The following NGEF variants were observed in gnomAD, a reference collection of about 807,000 sequenced individuals.
The protein encoded by NGEF is ephexin-1.
NGEF carries 31 observed loss-of-function variants against 80.9 expected under a neutral mutation model. The ratio of observed to expected loss-of-function variants is 0.38; its 90% CI spans 0.29 to 0.52. NGEF has a LOEUF of 0.52. Ranked by LOEUF, NGEF falls within the 20% of genes least tolerant of loss-of-function variation. NGEF has a pLI of 0.84. For missense variants in NGEF, 709 were observed against 926.2 expected, an observed-to-expected ratio of 0.77 and a Z score of 3.04; for synonymous variants, 371 against 370.2, an observed-to-expected ratio of 1.00 and a Z score of -0.03.
intron 4 of NGEF, among the ~76,000 whole-genome samples, chr2:232,925,570 C>T (rs1693045115): frequency 6.6e-6 from 1 of 152,172 alleles, no homozygotes; most frequent in South Asian, 2.1e-4. Flanking sequence ...GCCACCAGCC[C>T]AGCAGGTTCA....
rs1460671306 is a variant in NGEF at position 232,995,073 on chromosome 2, T to G, written c.-75+17995A>C. 5.2e-5 allele frequency among the ~76,000 whole-genome samples: 2 copies of G among 38,442 alleles called. 1 individual carries two copies. Among genetic ancestry groups the G allele is most frequent in the African/African-American group, 3.2e-4 (2 of 6,304 alleles). 25.2% of individuals were successfully genotyped at this position (38,442 alleles called of 152,430 possible). A position where few individuals can be genotyped will look rare whatever the true frequency, so the allele number is the denominator to read the frequency against. On this transcript the variant is annotated intron_variant, in intron 1 of 14. Transcript: ENST00000264051. ...CTGTATATATGTACAGTATGTATAC[T>G]GTATATGTGTACAGTATGTATATGT...
intron 3 of NGEF, among the ~76,000 whole-genome samples, chr2:232,958,456 G>A (rs1317599735): frequency 6.6e-6 from 1 of 152,234 alleles, no homozygotes; most frequent in East Asian, 1.9e-4. Flanking sequence ...CTGCCCGGGA[G>A]TCGGCATGCA....
chr2:232,967,133 G>C (rs1694078862), intron 3 of NGEF, among the ~76,000 whole-genome samples: 1 of 152,108 alleles, frequency 6.6e-6, no homozygotes, highest in Non-Finnish European at 1.5e-5. Context: ...GTGATAGTGA[G>C]TTCTCACGAG....
intron 3 of NGEF, among the ~76,000 whole-genome samples, chr2:232,949,560 G>A (rs996178111): frequency 6.9e-6 from 1 of 144,828 alleles, no homozygotes; most frequent in African/African-American, 2.6e-5. Flanking sequence ...TCACTGCAAC[G>A]TCCGCCTCCC....
intron 11 of NGEF, 143 bp from the exon 12 acceptor site, chr2:232,883,609 CCT>C: frequency 2.2e-6 from 2 of 902,928 alleles, no homozygotes; most frequent in Non-Finnish European, 3.2e-6. Flanking sequence ...CACCTGAACG[CCT>C]GTCTCCCGCA....
intron 3 of NGEF, among the ~76,000 whole-genome samples, chr2:232,949,945 GGGATTACA>G (rs1403240125): frequency 6.6e-6 from 1 of 151,852 alleles, no homozygotes; most frequent in African/African-American, 2.4e-5. Flanking sequence ...CCGAGTAGCT[GGGATTACA>G]GGTGCCCACC....
intron 9 of NGEF, among the ~76,000 whole-genome samples, chr2:232,887,610 C>T (rs937544462): frequency 1.3e-5 from 2 of 152,150 alleles, no homozygotes; most frequent in South Asian, 2.1e-4. Context: ...CTGTTTCTGA[C>T]ATGGAAAAAC....
intron 1 of NGEF, among the ~76,000 whole-genome samples, chr2:233,008,811 T>C (rs1254028596): frequency 1.3e-5 from 2 of 152,148 alleles, no homozygotes; most frequent in Non-Finnish European, 2.9e-5. Context: ...TTTTTTTTTT[T>C]TCTTTTTTGA....
rs368283921 is a variant in NGEF, at chr2:233,012,408, CA to C, written c.-75+659del. ...CTTGAGGCCAGCCAGATGCAAAAAT[CA>C]GGAAGGTTCTGAGGGGTAGGGCCTT... On this transcript the variant is annotated intron_variant, in intron 1 of 14. Transcript: ENST00000264051. Among the ~76,000 whole-genome samples the C allele has an allele frequency of 4.5e-4, 69 of 152,306 alleles. No individual in the cohort carries two copies. In the East Asian group the frequency reaches 7.5e-3, roughly 17 times the overall value.
In NGEF at chr2:232,908,858, C is replaced by T. The variant is rs1053182012; in HGVS notation, c.828+11426G>A. On this transcript the variant is annotated intron_variant, in intron 5 of 14. Coordinates refer to ENST00000264051, the MANE Select transcript of NGEF (RefSeq NM_019850.3). ...GGGGTGCTCATGTTTTTCTTATTGA[C>T]AGCTTTCTAATTGACTGAAATCTGG... is the stretch of plus-strand genomic sequence containing the variant. Among the ~76,000 whole-genome samples the T allele has an allele frequency of 2.0e-5, 3 of 151,970 alleles. No homozygotes were observed. In the East Asian group the frequency reaches 5.8e-4, roughly 29 times the overall value.
intron 1 of NGEF, among the ~76,000 whole-genome samples, chr2:233,009,852 A>T (rs1024176109): frequency 6.6e-6 from 1 of 151,980 alleles, no homozygotes; most frequent in African/African-American, 2.4e-5. Flanking sequence ...GGGTCCTGGC[A>T]TCTTGGGTTG....
In NGEF at chr2:232,891,364, C is replaced by T; in HGVS notation, c.1266G>A (p.Leu422=). Residue 422 remains leucine, a synonymous_variant, in exon 8 of 15, where the codon TTG becomes TTA. Transcript: ENST00000264051. ...CAGGTGGAGGAGGCTGTACCTGGACCAACAGCTTGAGGCGTGTGATCCTCT... is the reference window on the plus strand; with the variant it reads ...CAGGTGGAGGAGGCTGTACCTGGACTAACAGCTTGAGGCGTGTGATCCTCT... ...PFQRITRLKL[L]VQNILKRVEE... is the part of the protein sequence containing the mutation. 1 of 1,613,508 alleles carries T rather than the reference C, an allele frequency of 6.2e-7. No individual in the cohort carries two copies. The highest frequency in any genetic ancestry group is 8.5e-7 in the Non-Finnish European group (1 of 1,179,904).
chr2:232,991,794 A>G (rs143097917), intron 1 of NGEF, among the ~76,000 whole-genome samples: 61 of 152,326 alleles, frequency 4.0e-4, no homozygotes, highest in Non-Finnish European at 6.3e-4. Flanking sequence ...CAATCAAAGA[A>G]CAGAGTTGGA....
chr2:232,946,896 T>TA (rs1693571007), intron 3 of NGEF, among the ~76,000 whole-genome samples: 1 of 151,980 alleles, frequency 6.6e-6, no homozygotes, highest in African/African-American at 2.4e-5. Flanking sequence ...CATGAGTCCA[T>TA]AGTCATACTC....
At chr2:233,010,063 T>C (rs936212982) in intron 1 of NGEF, among the ~76,000 whole-genome samples, 5 of 152,148 alleles carry the variant, frequency 3.3e-5, no homozygotes, top group Admixed American at 3.3e-4. Context: ...ATGCCAATTT[T>C]TGTATTTTTA....
intron 3 of NGEF, among the ~76,000 whole-genome samples, chr2:232,931,818 A>G (rs1693219801): frequency 6.6e-6 from 1 of 152,226 alleles, no homozygotes; most frequent in African/African-American, 2.4e-5. Flanking sequence ...TGATTCTTCC[A>G]GACAAGGGGA....
chr2:232,946,548 A>T (rs533207835), intron 3 of NGEF, among the ~76,000 whole-genome samples: 1 of 152,232 alleles, frequency 6.6e-6, no homozygotes, highest in Non-Finnish European at 1.5e-5. Context: ...ACATGGGCAC[A>T]ATTTCCTAGC....
intron 1 of NGEF, among the ~76,000 whole-genome samples, chr2:233,007,080 C>CA (rs1192132594): frequency 6.6e-6 from 1 of 151,980 alleles, no homozygotes; most frequent in African/African-American, 2.4e-5. Context: ...CCCATTTCTA[C>CA]AAAAAATACA....
At chr2:232,990,813 A>G (rs916003053) in intron 1 of NGEF, among the ~76,000 whole-genome samples, 2 of 152,144 alleles carry the variant, frequency 1.3e-5, no homozygotes, top group African/African-American at 2.4e-5. Context: ...TCTTATTAAT[A>G]GAGAAGAAAA....
Sources: allele counts gnomAD v4.1 joint callset (sites outside exome capture counted in the v4.1 genomes callset), GRCh38; gene constraint gnomAD v4.1.1; transcripts MANE v1.5; gene names NCBI Gene and HGNC (gene_info 2026-07-23, HGNC 2026-07-21).